Variants in COBL observed in about 807,000 individuals in gnomAD.
COBL encodes cordon-bleu WH2 repeat protein.
In COBL, 51 loss-of-function variants were observed where a neutral mutation model predicts 98.8. That is an observed-to-expected ratio of 0.52 (90% CI 0.41 to 0.65). The LOEUF is 0.65. Ranked by LOEUF, COBL falls within the 30% of genes least tolerant of loss-of-function variation. COBL has a pLI of 0.00. For missense variants in COBL, 1,617 were observed against 1,617.5 expected, an observed-to-expected ratio of 1.00 and a Z score of 0.01; for synonymous variants, 634 against 651.7, an observed-to-expected ratio of 0.97 and a Z score of 0.41.
chr7:51,096,603 C>G (rs1436114839), intron 6 of COBL, among the ~76,000 whole-genome samples: 3 of 151,692 alleles, frequency 2.0e-5, no homozygotes, highest in Non-Finnish European at 4.4e-5. Flanking sequence ...ATTGACTACC[C>G]TTAGTTACAG....
chr7:51,170,638 G>A (rs1427007131), intron 5 of COBL, among the ~76,000 whole-genome samples: 3 of 151,272 alleles, frequency 2.0e-5, no homozygotes, highest in Admixed American at 1.3e-4. Flanking sequence ...TTGTGTCAGC[G>A]TGGATGAAAC....
At chr7:51,031,505 T>A (rs955646879) in intron 8 of COBL, 1 of 152,696 alleles carries the variant, frequency 6.5e-6, no homozygotes, top group Non-Finnish European at 1.5e-5. Flanking sequence ...AAAGGCTACA[T>A]ACCTCTGGTG....
chr7:51,303,849 G>A (rs1177151846), intron 1 of COBL, among the ~76,000 whole-genome samples: 2 of 152,124 alleles, frequency 1.3e-5, no homozygotes, highest in African/African-American at 2.4e-5. Context: ...TTTAAAGGTG[G>A]TCACCCAATG....
At chr7:51,293,904 C>A (rs990013941) in intron 1 of COBL, among the ~76,000 whole-genome samples, 1 of 152,052 alleles carries the variant, frequency 6.6e-6, no homozygotes, top group Non-Finnish European at 1.5e-5. Context: ...TCGTCCCATG[C>A]TCGGTAAGGG....
rs539017624 is a variant in COBL at position 51,073,226 on chromosome 7, A to C, written c.1096+11940T>G. ...TTATATGTAAACCCCAAAGGAAGTA[A>C]ATTCTGGGTATACAATGAGCCCTTT... On this transcript the variant is annotated intron_variant, in intron 7 of 12. Coordinates refer to ENST00000265136, the MANE Select transcript of COBL (RefSeq NM_015198.5). The C allele has an allele frequency of 1.1e-4, 51 of 471,420 alleles. No individual in the cohort carries two copies. In the South Asian group the frequency reaches 1.9e-3, roughly 18 times the overall value. The allele number at this position is 471,420 out of a possible 1,614,324, so 29.2% of individuals were successfully genotyped here. A position where few individuals can be genotyped will look rare whatever the true frequency, so the allele number is the denominator to read the frequency against.
intron 1 of COBL, among the ~76,000 whole-genome samples, chr7:51,233,028 A>G (rs1411104215): frequency 6.6e-6 from 1 of 152,234 alleles, no homozygotes; most frequent in Non-Finnish European, 1.5e-5. Context: ...GTCATGACAA[A>G]TAGTCCACAA....
intron 5 of COBL, among the ~76,000 whole-genome samples, chr7:51,141,414 G>A (rs60490383): frequency 0.054 from 8,225 of 152,132 alleles, 644 homozygotes; most frequent in African/African-American, 0.17. Context: ...TGTTTTGATG[G>A]TGAGAAAAAC....
At chr7:51,188,622 G>C (rs905500675) in intron 4 of COBL, among the ~76,000 whole-genome samples, 1 of 152,206 alleles carries the variant, frequency 6.6e-6, no homozygotes, top group East Asian at 1.9e-4. Context: ...AATGTCCAAA[G>C]GAGTAGAGAG....
At chr7:51,304,974 G>A (rs1382354936) in intron 1 of COBL, among the ~76,000 whole-genome samples, 5 of 152,118 alleles carry the variant, frequency 3.3e-5, no homozygotes, top group African/African-American at 1.2e-4. Context: ...TTACCAGAGA[G>A]CTGCAAACCA....
At chr7:51,182,064 T>C (rs1417392176) in intron 5 of COBL, among the ~76,000 whole-genome samples, 2 of 152,262 alleles carry the variant, frequency 1.3e-5, no homozygotes, top group Middle Eastern at 6.8e-3. Flanking sequence ...TTTCATCTTT[T>C]ACAAGGAAGA....
At chr7:51,136,464 A>G in intron 5 of COBL, 133 bp from the exon 6 acceptor site, 1 of 953,308 alleles carries the variant, frequency 1.0e-6, no homozygotes, top group South Asian at 1.7e-5. Context: ...AGTCAGCTTG[A>G]ATGGTCTGAG....
intron 1 of COBL, among the ~76,000 whole-genome samples, chr7:51,231,646 T>C (rs1332288994): frequency 5.3e-5 from 8 of 152,160 alleles, no homozygotes; most frequent in Admixed American, 2.6e-4. Flanking sequence ...CAGAAGGTGG[T>C]TCCTGGAAGC....
intron 1 of COBL, among the ~76,000 whole-genome samples, chr7:51,223,414 T>C (rs968495568): frequency 6.6e-6 from 1 of 152,242 alleles, no homozygotes; most frequent in African/African-American, 2.4e-5. Flanking sequence ...AACGGCTGTG[T>C]GTTTCCATCT....
chr7:51,104,084 T>C (rs1796044195), intron 6 of COBL, among the ~76,000 whole-genome samples: 1 of 152,348 alleles, frequency 6.6e-6, no homozygotes, highest in East Asian at 1.9e-4. Context: ...TAGAAAGAGT[T>C]CCCTCTAAAG....
intron 12 of COBL, chr7:51,021,177 G>C (rs564559919): frequency 6.6e-6 from 1 of 152,296 alleles, no homozygotes; most frequent in African/African-American, 2.4e-5. Flanking sequence ...AGCCGTTGCT[G>C]AACACCCAAA....
intron 2 of COBL, among the ~76,000 whole-genome samples, chr7:51,215,626 TA>T (rs1222079757): frequency 6.6e-6 from 1 of 152,236 alleles, no homozygotes; most frequent in Non-Finnish European, 1.5e-5. Flanking sequence ...ACCTGACTTT[TA>T]ACCTTGTGAC....
chr7:51,179,944 T>C (rs1482948574), intron 5 of COBL, among the ~76,000 whole-genome samples: 1 of 152,246 alleles, frequency 6.6e-6, no homozygotes, highest in East Asian at 1.9e-4. Context: ...TTTTGTTTTC[T>C]AGCATCAAGA....
chr7:51,285,944 T>C (rs1800317244), intron 1 of COBL, among the ~76,000 whole-genome samples: 1 of 152,160 alleles, frequency 6.6e-6, no homozygotes, highest in African/African-American at 2.4e-5. Flanking sequence ...CATAAATATA[T>C]TCAAGTGATT....
At chr7:51,102,051 T>A (rs1203068621) in intron 6 of COBL, among the ~76,000 whole-genome samples, 1 of 151,904 alleles carries the variant, frequency 6.6e-6, no homozygotes, top group Admixed American at 6.6e-5. Context: ...AAAAAAAGAG[T>A]TGTCAGAAAA....
Sources: allele counts gnomAD v4.1 joint callset (sites outside exome capture counted in the v4.1 genomes callset), GRCh38; gene constraint gnomAD v4.1.1; transcripts MANE v1.5; gene names NCBI Gene and HGNC (gene_info 2026-07-23, HGNC 2026-07-21).